ZNF385D: variants seen among roughly 807,000 people sequenced by gnomAD.
ZNF385D encodes zinc finger protein 385D.
ZNF385D carries 15 observed loss-of-function variants against 35.8 expected under a neutral mutation model. That is an observed-to-expected ratio of 0.42 (90% CI 0.28 to 0.64). ZNF385D has a LOEUF of 0.64. Ranked by LOEUF, ZNF385D falls within the 30% of genes least tolerant of loss-of-function variation. The pLI, the probability that ZNF385D is intolerant of heterozygous loss-of-function variation, is 0.23. For missense variants in ZNF385D, 474 were observed against 494.6 expected (o/e 0.96, Z 0.39); for synonymous variants, 212 against 186.8 (o/e 1.13, Z -1.10).
chr3:21,511,508 G>T, intron 3 of ZNF385D: 1 of 361,938 alleles, frequency 2.8e-6, no homozygotes, highest in South Asian at 2.1e-5. Context: ...GGGGAAGTAA[G>T]CACCCTGGAG....
At chr3:21,928,226 G>T (rs920423845) in intron 3 of ZNF385D, among the ~76,000 whole-genome samples, 10 of 149,462 alleles carry the variant, frequency 6.7e-5, no homozygotes, top group Admixed American at 5.4e-4. Flanking sequence ...AAGGATGGAC[G>T]GACGGACAGA....
At chr3:22,302,078 GTGC>G (rs1174870858) in intron 2 of ZNF385D, among the ~76,000 whole-genome samples, 1 of 151,644 alleles carries the variant, frequency 6.6e-6, no homozygotes, top group Admixed American at 6.6e-5. Context: ...GAAATTTCTT[GTGC>G]TTGTCTCCTT....
At chr3:22,143,060 T>TGTGTGA (rs1491459928) in intron 3 of ZNF385D, among the ~76,000 whole-genome samples, 2 of 3,048 alleles carry the variant, frequency 6.6e-4, no homozygotes, top group African/African-American at 8.9e-3. Flanking sequence ...TTAAATCGGT[T>TGTGTGA]GTGTGTGTGT....
intron 4 of ZNF385D, among the ~76,000 whole-genome samples, chr3:21,453,340 G>C (rs939980928): frequency 6.6e-6 from 1 of 151,976 alleles, no homozygotes; most frequent in Non-Finnish European, 1.5e-5. Flanking sequence ...ATAAAAGCAT[G>C]AGGAACAAAA....
chr3:21,568,422 A>G (rs1468365071), intron 2 of ZNF385D, among the ~76,000 whole-genome samples: 1 of 152,184 alleles, frequency 6.6e-6, no homozygotes, highest in Non-Finnish European at 1.5e-5. Flanking sequence ...ATAAAAAGAA[A>G]GTCATGTATA....
chr3:22,047,252 G>A (rs1201849859), intron 3 of ZNF385D, among the ~76,000 whole-genome samples: 5 of 151,352 alleles, frequency 3.3e-5, no homozygotes, highest in Non-Finnish European at 5.9e-5. Context: ...TTTTTGTGGT[G>A]GTAAGAACAC....
chr3:21,506,019 C>A (rs1273899899), intron 4 of ZNF385D, among the ~76,000 whole-genome samples: 1 of 152,130 alleles, frequency 6.6e-6, no homozygotes, highest in Non-Finnish European at 1.5e-5. Flanking sequence ...GGCCACCCTG[C>A]AGGCTGTAAC....
intron 3 of ZNF385D, among the ~76,000 whole-genome samples, chr3:21,983,018 T>G (rs1694574660): frequency 6.6e-6 from 1 of 152,128 alleles, no homozygotes; most frequent in South Asian, 2.1e-4. Flanking sequence ...ATTTTTACAT[T>G]GATGTTTATC....
rs1700517439 is a variant in ZNF385D, at chr3:21,413,193, G to C, written c.*8021C>G. 6.6e-6 allele frequency: 1 copy of C among 151,914 alleles called. No individual in the cohort carries two copies. The highest frequency in any genetic ancestry group is 2.4e-5 in the African/African-American group (1 of 41,356). The allele number at this position is 151,914 out of a possible 1,614,324, so 9.4% of individuals were successfully genotyped here. ...TCTCACGTTTCCAAGCCCACCTGGG[G>C]ATATGTAGAACTCTGATGAAAGGTT... On this transcript the variant is annotated 3_prime_UTR_variant, in exon 8 of 8. Transcript: ENST00000281523.
chr3:21,518,666 G>T (rs988969722), intron 3 of ZNF385D, among the ~76,000 whole-genome samples: 2 of 151,926 alleles, frequency 1.3e-5, no homozygotes, highest in African/African-American at 2.4e-5. Flanking sequence ...TATACTTATG[G>T]TTTTTTTATT....
chr3:22,280,951 T>C (rs1480220748), intron 2 of ZNF385D, among the ~76,000 whole-genome samples: 1 of 152,110 alleles, frequency 6.6e-6, no homozygotes, highest in Non-Finnish European at 1.5e-5. Flanking sequence ...TTCACCTCCT[T>C]TGTTAAGTAT....
At chr3:21,877,311 C>G (rs1414805549) in intron 3 of ZNF385D, among the ~76,000 whole-genome samples, 2 of 151,994 alleles carry the variant, frequency 1.3e-5, no homozygotes. Flanking sequence ...GAAGTAGGGC[C>G]TCAAAAGCAC....
At chr3:21,570,904 G>GT (rs1453928578) in intron 2 of ZNF385D, among the ~76,000 whole-genome samples, 1 of 152,116 alleles carries the variant, frequency 6.6e-6, no homozygotes, top group Admixed American at 6.6e-5. Flanking sequence ...TTAGTAAAAT[G>GT]TTTTTATATT....
intron 3 of ZNF385D, among the ~76,000 whole-genome samples, chr3:21,809,868 T>C (rs762603983): frequency 6.6e-6 from 1 of 151,874 alleles, no homozygotes; most frequent in Admixed American, 6.6e-5. Context: ...TGAATTGAGG[T>C]ATAACTAAAA....
At chr3:21,799,077 G>A (rs1436343720) in intron 3 of ZNF385D, among the ~76,000 whole-genome samples, 4 of 152,064 alleles carry the variant, frequency 2.6e-5, no homozygotes, top group Admixed American at 6.6e-5. Flanking sequence ...TGTGTCTGAC[G>A]TAATTCACTT....
In ZNF385D at chr3:21,835,770, T is replaced by C. The variant is rs2125774638; in HGVS notation, c.326-170742A>G. 1.3e-5 allele frequency among the ~76,000 whole-genome samples: 2 copies of C among 152,218 alleles called. 1 individual carries two copies. Among genetic ancestry groups the C allele is most frequent in the East Asian group, 3.9e-4 (2 of 5,160 alleles). On this transcript the variant is annotated intron_variant, in intron 3 of 5. Coordinates refer to the ZNF385D transcript ENST00000494108. Reference sequence around the variant, plus strand: ...CCATTTCATAACTAATGGTGTGTCATTTCCAGAAAAACAAAAAATATTATT... The same window carrying C: ...CCATTTCATAACTAATGGTGTGTCACTTCCAGAAAAACAAAAAATATTATT...
chr3:21,450,560 A>G (rs1702397984), intron 4 of ZNF385D, among the ~76,000 whole-genome samples: 1 of 152,148 alleles, frequency 6.6e-6, no homozygotes, highest in South Asian at 2.1e-4. Flanking sequence ...GTTGAACTGT[A>G]TGATTTGGTT....
chr3:21,428,607 CAG>C (rs1701134027), intron 5 of ZNF385D, among the ~76,000 whole-genome samples: 1 of 151,956 alleles, frequency 6.6e-6, no homozygotes, highest in African/African-American at 2.4e-5. Context: ...TTTTGCTGAG[CAG>C]AGTGCCACGA....
intron 3 of ZNF385D, among the ~76,000 whole-genome samples, chr3:22,118,189 G>C (rs74583702): frequency 6.6e-6 from 1 of 152,008 alleles, no homozygotes; most frequent in African/African-American, 2.4e-5. Context: ...AATTGCTAAT[G>C]TCTCTCTTAT....
Sources: allele counts gnomAD v4.1 joint callset (sites outside exome capture counted in the v4.1 genomes callset), GRCh38; gene constraint gnomAD v4.1.1; transcripts MANE v1.5; gene names NCBI Gene and HGNC (gene_info 2026-07-23, HGNC 2026-07-21).